TNRC18: variants seen among roughly 807,000 people sequenced by gnomAD.
The protein encoded by TNRC18 is trinucleotide repeat-containing gene 18 protein.
Under a neutral mutation model 226.7 loss-of-function variants are expected in TNRC18, and 69 were observed. The ratio of observed to expected loss-of-function variants is 0.30; its 90% CI spans 0.25 to 0.37. The LOEUF is 0.37. Ranked by LOEUF, TNRC18 falls within the 10% of genes least tolerant of loss-of-function variation. TNRC18 has a pLI of 1.00. For missense variants in TNRC18, 4,754 were observed against 4,256.6 expected (o/e 1.12, Z -3.25); for synonymous variants, 2,449 against 1,927.6 (o/e 1.27, Z -7.09).
At chr7:5,323,312 C>A (rs1788564880) in intron 21 of TNRC18, among the ~76,000 whole-genome samples, 1 of 151,972 alleles carries the variant, frequency 6.6e-6, no homozygotes, top group Non-Finnish European at 1.5e-5. Flanking sequence ...CTCCCTGACC[C>A]GGGTCTCAGG....
At chr7:5,378,703 T>C (rs1583986649) in intron 5 of TNRC18, among the ~76,000 whole-genome samples, 1 of 150,774 alleles carries the variant, frequency 6.6e-6, no homozygotes, top group Non-Finnish European at 1.5e-5. Flanking sequence ...CAGGCGTGAG[T>C]CACCGAGCCC....
chr7:5,381,322 G>C (rs1484225130), intron 5 of TNRC18, among the ~76,000 whole-genome samples: 1 of 152,092 alleles, frequency 6.6e-6, no homozygotes, highest in Non-Finnish European at 1.5e-5. Context: ...AGGCCCAAGT[G>C]GGGACCTGGC....
intron 18 of TNRC18, among the ~76,000 whole-genome samples, chr7:5,341,443 C>G (rs371594160): frequency 1.6e-4 from 22 of 140,442 alleles, no homozygotes; most frequent in African/African-American, 5.3e-4. Context: ...AAAAAAGATG[C>G]TGAATCACCT....
intron 25 of TNRC18, among the ~76,000 whole-genome samples, chr7:5,315,416 GT>G (rs10601250): frequency 0.67 from 99,088 of 147,474 alleles, 33,968 homozygotes; most frequent in East Asian, 0.86. Context: ...CTTTTGTTGG[GT>G]TTTTTTTTTT....
intron 15 of TNRC18, 133 bp downstream of exon 15, chr7:5,359,265 C>A: frequency 1.1e-6 from 1 of 926,550 alleles, no homozygotes; most frequent in Non-Finnish European, 1.7e-6. Context: ...AGAGTCATTC[C>A]GGCATTGAAG....
intron 10 of TNRC18, 108 bp from the exon 11 acceptor site, chr7:5,371,472 CT>C: frequency 3.7e-6 from 5 of 1,346,540 alleles, no homozygotes; most frequent in Non-Finnish European, 4.9e-6. Context: ...CAGCCGCCCC[CT>C]GCTCACCCAG....
chr7:5,414,707 C>G (rs540618547), intron 2 of TNRC18, among the ~76,000 whole-genome samples: 5 of 152,166 alleles, frequency 3.3e-5, no homozygotes, highest in Admixed American at 6.6e-5. Flanking sequence ...CCACTGCGCC[C>G]GGCCCACATT....
chr7:5,374,621 C>A (rs1478961743), intron 9 of TNRC18, 137 bp from the exon 10 acceptor site: 33 of 811,352 alleles, frequency 4.1e-5, no homozygotes, highest in Non-Finnish European at 1.8e-6. Context: ...GCTGCCCACC[C>A]CGTCCCAGGC....
intron 17 of TNRC18, 58 bp from the exon 18 acceptor site, chr7:5,345,868 C>A: frequency 1.3e-6 from 2 of 1,494,820 alleles, no homozygotes; most frequent in South Asian, 2.6e-5. Context: ...GGGCCACCCC[C>A]CACCGCCCCC....
chr7:5,359,149 GAGAT>G (rs975903448), intron 15 of TNRC18, among the ~76,000 whole-genome samples: 2 of 152,334 alleles, frequency 1.3e-5, no homozygotes, highest in Non-Finnish European at 1.5e-5. Flanking sequence ...CACACAGAGG[GAGAT>G]AGCTTTTAGG....
intron 16 of TNRC18, among the ~76,000 whole-genome samples, chr7:5,353,128 C>A (rs1010104167): frequency 7.9e-5 from 12 of 152,232 alleles, no homozygotes; most frequent in African/African-American, 2.2e-4. Context: ...CCAGCCCCTG[C>A]CCATCGAACC....
intron 17 of TNRC18, among the ~76,000 whole-genome samples, chr7:5,351,290 T>G (rs1223729282): frequency 6.6e-6 from 1 of 152,090 alleles, no homozygotes; most frequent in Non-Finnish European, 1.5e-5. Flanking sequence ...CACACAGGTT[T>G]AGTTAAAAAT....
At chr7:5,310,802 G>A (rs1787098494) in intron 27 of TNRC18, among the ~76,000 whole-genome samples, 1 of 152,248 alleles carries the variant, frequency 6.6e-6, no homozygotes, top group Admixed American at 6.5e-5. Context: ...CACACCTACA[G>A]CACGTTGGGG....
Position 5,312,429 on chromosome 7 carries a change from A to C in TNRC18, c.8388+74T>G. On this transcript the variant is annotated intron_variant, in intron 27 of 29. Transcript: ENST00000430969. This position sits in a 1 kb window ranked among gnomAD's most constrained non-coding sequence, Gnocchi z 6.3. The stretch of plus-strand genomic sequence containing the variant: ...AGGTTACCACACACGGAGACACAGC[A>C]TGAAGCCGTGGGCCCAGCAGAGAGA... 6.5e-7 allele frequency: 1 copy of C among 1,547,388 alleles called. No individual in the cohort carries two copies. The highest frequency in any genetic ancestry group is 1.2e-5 in the South Asian group (1 of 83,522).
intron 16 of TNRC18, 99 bp from the exon 17 acceptor site, chr7:5,352,193 G>A: frequency 7.6e-7 from 1 of 1,308,964 alleles, no homozygotes; most frequent in Non-Finnish European, 1.0e-6. Context: ...ACTGGAAGGT[G>A]CCAGAACAAA....
chr7:5,376,267 T>C, intron 8 of TNRC18, 43 bp from the exon 9 acceptor site: 1 of 1,396,448 alleles, frequency 7.2e-7, no homozygotes, highest in East Asian at 2.6e-5. Flanking sequence ...GGCCTGATGC[T>C]CCACCACCAT....
intron 14 of TNRC18, among the ~76,000 whole-genome samples, chr7:5,360,808 G>A (rs1792955909): frequency 6.6e-6 from 1 of 152,138 alleles, no homozygotes; most frequent in Non-Finnish European, 1.5e-5. Flanking sequence ...CAAGACATGG[G>A]GGCCTTGGGG....
chr7:5,406,772 AC>A (rs1781493368), intron 2 of TNRC18, among the ~76,000 whole-genome samples: 1 of 150,976 alleles, frequency 6.6e-6, no homozygotes, highest in South Asian at 2.1e-4. Context: ...AGTCACTTGA[AC>A]CCAGGAGGCA....
intron 3 of TNRC18, among the ~76,000 whole-genome samples, chr7:5,392,724 T>C (rs960152223): frequency 4.6e-5 from 7 of 151,932 alleles, no homozygotes; most frequent in Admixed American, 3.3e-4. Flanking sequence ...ATGGGCTTAA[T>C]AGGCCGGGCA....
Sources: allele counts gnomAD v4.1 joint callset (sites outside exome capture counted in the v4.1 genomes callset), GRCh38; gene constraint gnomAD v4.1.1; non-coding constraint Gnocchi (gnomAD v3.1); transcripts MANE v1.5; gene names NCBI Gene and HGNC (gene_info 2026-07-23, HGNC 2026-07-21).